The following ERN1 variants were observed in gnomAD, a reference collection of about 807,000 sequenced individuals.
ERN1 encodes the protein serine/threonine-protein kinase/endoribonuclease IRE1.
Under a neutral mutation model 113.1 loss-of-function variants are expected in ERN1, and 39 were observed. The observed-to-expected ratio is 0.34, with a 90% confidence interval of 0.27 to 0.45. The LOEUF is 0.45. ERN1 is among the 20% of genes least tolerant of loss of function. The probability of loss-of-function intolerance (pLI) is 1.00; values close to 1 mark genes in which losing one functional copy is unlikely to be tolerated. For synonymous variants in ERN1, 507 were observed against 515.9 expected, an observed-to-expected ratio of 0.98 and a Z score of 0.23; for missense variants, 976 against 1,274.8, an observed-to-expected ratio of 0.77 and a Z score of 3.57.
rs1915204260 is a variant in ERN1 at position 64,130,134 on chromosome 17, G to A, written c.-105C>T. 1.9e-6 allele frequency: 2 copies of A among 1,068,076 alleles called. No homozygotes were observed. The highest frequency in any genetic ancestry group is 1.7e-5 in the African/African-American group (1 of 60,598). The allele number at this position is 1,068,076 out of a possible 1,614,324, so 66.2% of individuals were successfully genotyped here. On this transcript the variant is annotated 5_prime_UTR_variant, in exon 1 of 22. Coordinates refer to ENST00000433197, the MANE Select transcript of ERN1 (RefSeq NM_001433.5). The surrounding 1 kb of genome is among the most constrained non-coding windows in gnomAD (Gnocchi z 4.0). The stretch of plus-strand genomic sequence containing the variant: ...ACCGAGCCTCAGCGGACGCAGAACT[G>A]ACTAGGCAGCGGCGGCACCCCCATT...
At chr17:64,112,960 G>T (rs967378893) in intron 1 of ERN1, among the ~76,000 whole-genome samples, 1 of 152,216 alleles carries the variant, frequency 6.6e-6, no homozygotes, top group African/African-American at 2.4e-5. Flanking sequence ...GGAGGTGGAG[G>T]CTTAATCTAG....
At chr17:64,092,210 C>T (rs1914110614) in intron 2 of ERN1, among the ~76,000 whole-genome samples, 1 of 152,092 alleles carries the variant, frequency 6.6e-6, no homozygotes, top group Non-Finnish European at 1.5e-5. Context: ...TTGCAGGGTC[C>T]TTCCCAGTCT....
At chr17:64,060,117 C>T (rs1160812128) in intron 11 of ERN1, among the ~76,000 whole-genome samples, 4 of 152,146 alleles carry the variant, frequency 2.6e-5, no homozygotes, top group African/African-American at 9.7e-5. Context: ...AGGCCTTTCT[C>T]CCCACAGCCT....
At chr17:64,110,860 G>A (rs1346109352) in intron 1 of ERN1, among the ~76,000 whole-genome samples, 1 of 152,248 alleles carries the variant, frequency 6.6e-6, no homozygotes, top group Admixed American at 6.5e-5. Flanking sequence ...TGGGAAGACT[G>A]TGCTGGCACA....
At chr17:64,098,948 T>C (rs958429341) in intron 1 of ERN1, among the ~76,000 whole-genome samples, 3 of 152,212 alleles carry the variant, frequency 2.0e-5, no homozygotes, top group Non-Finnish European at 4.4e-5. Flanking sequence ...ATTACTAGTA[T>C]CATCTTTCTG....
chr17:64,061,770 A>C (rs995724113), intron 10 of ERN1, among the ~76,000 whole-genome samples: 1 of 152,132 alleles, frequency 6.6e-6, no homozygotes, highest in Non-Finnish European at 1.5e-5. Context: ...TGTGCGGGTA[A>C]CTCTGAGGCT....
intron 1 of ERN1, among the ~76,000 whole-genome samples, chr17:64,099,803 G>C (rs1273023861): frequency 1.3e-5 from 2 of 152,238 alleles, no homozygotes; most frequent in East Asian, 3.9e-4. Flanking sequence ...TTCTGTGGTG[G>C]AGACCCACCA....
intron 1 of ERN1, among the ~76,000 whole-genome samples, chr17:64,105,314 G>A (rs1200515031): frequency 6.6e-6 from 1 of 151,948 alleles, no homozygotes; most frequent in East Asian, 1.9e-4. Flanking sequence ...TCACTACATT[G>A]ACCAGTCTGG....
chr17:64,100,949 G>T (rs1914368069), intron 1 of ERN1, among the ~76,000 whole-genome samples: 1 of 152,184 alleles, frequency 6.6e-6, no homozygotes, highest in Non-Finnish European at 1.5e-5. Context: ...GGCTTCCACA[G>T]CTCCTCAGGC....
rs139229826 is a variant in ERN1 at position 64,044,182 on chromosome 17, G to T, written c.2740C>A (p.Leu914Met). 3.7e-3 allele frequency: 5,748 copies of T among 1,560,930 alleles called. 388 individuals carry two copies. In the Admixed American group the frequency reaches 0.1, roughly 27 times the overall value. ...MRNKKHHYRE[L>M]PAEVRETLGS... ...AGCGTCTCCCGCACCTCTGCAGGCA[G>T]CTCCCGGTAGTGGTGCTTCTGCAAA... The change falls in exon 22 of 22, where the codon CTG becomes ATG. Residue 914 changes from leucine to methionine, a missense_variant. By Grantham distance (15) the Leu-to-Met change is conservative (BLOSUM62 2). Coordinates refer to ENST00000433197, the MANE Select transcript of ERN1 (RefSeq NM_001433.5). The surrounding 1 kb of genome is among the most constrained non-coding windows in gnomAD (Gnocchi z 4.1).
rs1913021908 is a variant in ERN1, at chr17:64,060,561, A to G, written c.1114T>C (p.Ser372Pro). The change falls in exon 11 of 22, where the codon TCT (serine) becomes CCT (proline). Residue 372 changes from serine (S) to proline (P), a missense_variant. This residue lies in a region of ERN1 where 459 missense variants were observed against 581.2 expected (regional missense o/e 0.79). Coordinates refer to ENST00000433197, the MANE Select transcript of ERN1 (RefSeq NM_001433.5). ...IGHHETPLSA[S>P]TKMLERFPNN... Reference sequence around the variant, plus strand: ...GGAAATCTCTCCAGCATCTTGGTAGACGCAGACAGTGGGGTTTCATGGTGT... The same window carrying G: ...GGAAATCTCTCCAGCATCTTGGTAGGCGCAGACAGTGGGGTTTCATGGTGT... The G allele has an allele frequency of 6.2e-6, 10 of 1,613,646 alleles. No homozygotes were observed. Among genetic ancestry groups the G allele is most frequent in the Non-Finnish European group, 5.9e-6 (7 of 1,179,630 alleles).
At chr17:64,060,612 G>T (rs769183389) in intron 10 of ERN1, 25 bp from the exon 11 acceptor site, 1 of 1,548,368 alleles carries the variant, frequency 6.5e-7, no homozygotes, top group Admixed American at 1.7e-5. Context: ...AAAACCTTTA[G>T]TGAGAACAAT....
chr17:64,111,153 G>T lies in ERN1; in HGVS notation c.55-12912C>A, dbSNP rs540338669. Among the ~76,000 whole-genome samples, 10 of 152,116 alleles carry T rather than the reference G, an allele frequency of 6.6e-5. No homozygotes were observed. In the East Asian group the frequency reaches 1.4e-3, roughly 21 times the overall value. ...ATTATAAAATATTTTTTAAAAGTTT[G>T]TTTTTATTTTTTACATTGACATATA... is the stretch of plus-strand genomic sequence containing the variant. On this transcript the variant is annotated intron_variant, in intron 1 of 21. Coordinates refer to ENST00000433197, the MANE Select transcript of ERN1 (RefSeq NM_001433.5).
intron 7 of ERN1, chr17:64,067,980 AT>A: frequency 3.9e-6 from 2 of 511,812 alleles, no homozygotes; most frequent in Non-Finnish European, 3.5e-6. Flanking sequence ...GCTTGTCACC[AT>A]TTTACTTCGG....
intron 6 of ERN1, 67 bp downstream of exon 6, chr17:64,071,914 G>A: frequency 6.5e-7 from 1 of 1,535,822 alleles, no homozygotes; most frequent in Non-Finnish European, 8.8e-7. Flanking sequence ...TAGGGAAGGA[G>A]GCTGGGGAGC....
intron 1 of ERN1, among the ~76,000 whole-genome samples, chr17:64,117,633 C>G (rs748830331): frequency 6.6e-6 from 1 of 152,168 alleles, no homozygotes; most frequent in Non-Finnish European, 1.5e-5. Context: ...TACCCCAACA[C>G]TAAGTGACGT....
At chr17:64,058,471 G>C (rs192912887) in intron 11 of ERN1, among the ~76,000 whole-genome samples, 1 of 152,296 alleles carries the variant, frequency 6.6e-6, no homozygotes, top group African/African-American at 2.4e-5. Flanking sequence ...TTCTCGTGTT[G>C]CCTGTAAACT....
At position 64,083,787 on chromosome 17, in the gene ERN1, CTG is replaced by C. The variant is rs199622609; in HGVS notation, c.176-2981_176-2980del. ...GCCTGGAATGGCACAAGTTTTACAC[CTG>C]CAGGAACTGACATCCTGGGTGAGGT... On this transcript the variant is annotated intron_variant, in intron 2 of 21. Coordinates refer to ENST00000433197, the MANE Select transcript of ERN1 (RefSeq NM_001433.5). Among the ~76,000 whole-genome samples the C allele has an allele frequency of 2.2e-3, 338 of 152,276 alleles. 2 individuals are homozygous for C. In the Middle Eastern group the frequency reaches 0.027, roughly 12 times the overall value.
chr17:64,094,437 AC>A (rs1914173037), intron 2 of ERN1, among the ~76,000 whole-genome samples: 1 of 152,106 alleles, frequency 6.6e-6, no homozygotes, highest in Non-Finnish European at 1.5e-5. Context: ...TCTTTTTGAA[AC>A]TGTGTATACG....
Sources: allele counts gnomAD v4.1 joint callset (sites outside exome capture counted in the v4.1 genomes callset), GRCh38; gene constraint gnomAD v4.1.1; regional missense constraint gnomAD v4.1.1; non-coding constraint Gnocchi (gnomAD v3.1); transcripts MANE v1.5; gene names NCBI Gene and HGNC (gene_info 2026-07-23, HGNC 2026-07-21).